TNKS: variants seen among roughly 807,000 people sequenced by gnomAD.
TNKS encodes the protein tankyrase.
A neutral mutation model predicts 135.8 loss-of-function variants in TNKS; 72 were observed. The observed-to-expected ratio is 0.53, with a 90% CI of 0.44 to 0.64. TNKS has a LOEUF of 0.64. Ranked by LOEUF, TNKS falls within the 30% of genes least tolerant of loss-of-function variation. The probability of loss-of-function intolerance (pLI) is 0.00; values close to 1 mark genes in which losing one functional copy is unlikely to be tolerated. For missense variants in TNKS, 1,769 were observed against 1,674.0 expected, an observed-to-expected ratio of 1.06 and a Z score of -0.99; for synonymous variants, 849 against 649.3, an observed-to-expected ratio of 1.31 and a Z score of -4.68.
chr8:9,590,104 A>C (rs1798535940), intron 2 of TNKS, among the ~76,000 whole-genome samples: 2 of 152,208 alleles, frequency 1.3e-5, no homozygotes, highest in South Asian at 4.1e-4. Flanking sequence ...TGATTAGATC[A>C]CAGTATGTGC....
chr8:9,580,023 T>TA (rs1301012086), intron 1 of TNKS, 136 bp from the exon 2 acceptor site: 2 of 686,340 alleles, frequency 2.9e-6, no homozygotes, highest in Middle Eastern at 3.4e-4. Flanking sequence ...AAGCTAATGT[T>TA]TCTTTTGTTT....
chr8:9,581,432 T>G lies in TNKS; in HGVS notation c.898+1049T>G, dbSNP rs545866064. ...TCCAGTTTCAACTGACTCTCCCATT[T>G]CCTCCTAAGTCTCTCACTAACATAG... On this transcript the variant is annotated intron_variant, in intron 2 of 26. Coordinates refer to ENST00000310430, the MANE Select transcript of TNKS (RefSeq NM_003747.3). Among the ~76,000 whole-genome samples, 7 of 152,290 alleles carry G rather than the reference T, an allele frequency of 4.6e-5. No homozygotes were observed. The South Asian group carries it at 1.5e-3, about 32-fold the overall frequency.
At position 9,556,597 on chromosome 8, in the gene TNKS, C is replaced by T. The variant is rs753138919; in HGVS notation, c.658C>T (p.Leu220=). Reference sequence around the variant, plus strand: ...CATGGCCGGCCGGAAGTCTTCTCCCCTGCACTTCGCTGCAGGTCAGAGACT... The same window carrying T: ...CATGGCCGGCCGGAAGTCTTCTCCCTTGCACTTCGCTGCAGGTCAGAGACT... ...KDMAGRKSSP[L]HFAAGFGRKD... is the part of the protein sequence containing the mutation. The change falls in exon 1 of 27, where the codon CTG becomes TTG. Residue 220 remains leucine, a synonymous_variant. Transcript: ENST00000310430. 6.2e-6 allele frequency: 10 copies of T among 1,613,488 alleles called. No individual in the cohort carries two copies. Among genetic ancestry groups the T allele is most frequent in the African/African-American group, 1.3e-5 (1 of 74,942 alleles).
chr8:9,674,512 A>G (rs1373880881), intron 3 of TNKS, among the ~76,000 whole-genome samples: 1 of 152,166 alleles, frequency 6.6e-6, no homozygotes, highest in Non-Finnish European at 1.5e-5. Context: ...AAACACTGCA[A>G]AGTTTCGTGG....
At chr8:9,639,879 C>T (rs1800657782) in intron 3 of TNKS, among the ~76,000 whole-genome samples, 1 of 152,150 alleles carries the variant, frequency 6.6e-6, no homozygotes, top group African/African-American at 2.4e-5. Context: ...CATATATCTT[C>T]CAGTAAATTG....
Position 9,704,690 on chromosome 8 carries a change from T to C in TNKS, c.1135T>C (p.Tyr379His). ...KSTPLHLAAG[Y>H]NRVRIVQLLL... is the part of the protein sequence containing the mutation. ...GACTCCTTTACATCTAGCAGCGGGC[T>C]ACAACAGAGTTCGAATAGTTCAGCT... Residue 379 changes from tyrosine (Y) to histidine (H), a missense_variant, in exon 6 of 27, where the codon TAC (tyrosine) becomes CAC (histidine). By Grantham distance (83) the Tyr-to-His change is moderately conservative. Coordinates refer to ENST00000310430, the MANE Select transcript of TNKS (RefSeq NM_003747.3). 6.2e-7 allele frequency: 1 copy of C among 1,613,514 alleles called. No homozygotes were observed. Among genetic ancestry groups the C allele is most frequent in the Non-Finnish European group, 8.5e-7 (1 of 1,179,526 alleles).
rs757380370 is a variant in TNKS, at chr8:9,556,047, C to T, written c.108C>T (p.Ser36=). 1.2e-6 allele frequency: 2 copies of T among 1,610,794 alleles called. No individual in the cohort carries two copies. The highest frequency in any genetic ancestry group is 1.7e-6 in the Non-Finnish European group (2 of 1,179,154). ...CGCCGCCACCTCCTCCCCCACTCAG[C>T]CCTGGCCTGGCCCCGGGGACCACCC... is the stretch of plus-strand genomic sequence containing the variant. The part of the protein sequence containing the change: ...APPPPPPPPL[S]PGLAPGTTPA... Residue 36 remains serine, a synonymous_variant, in exon 1 of 27, where the codon AGC becomes AGT. Transcript: ENST00000310430.
At chr8:9,726,757 T>C (rs1346718708) in intron 13 of TNKS, 37 bp downstream of exon 13, 1 of 1,497,826 alleles carries the variant, frequency 6.7e-7, no homozygotes, top group Non-Finnish European at 9.2e-7. Context: ...ATAGCACTGT[T>C]GAACTTTGCT....
At chr8:9,569,603 A>G (rs927821186) in intron 1 of TNKS, among the ~76,000 whole-genome samples, 1 of 152,160 alleles carries the variant, frequency 6.6e-6, no homozygotes, top group African/African-American at 2.4e-5. Context: ...GGTGGTTTTT[A>G]TGTGTGTTCT....
intron 17 of TNKS, among the ~76,000 whole-genome samples, chr8:9,744,409 G>T (rs1210621418): frequency 2.0e-5 from 3 of 152,156 alleles, no homozygotes; most frequent in Non-Finnish European, 1.5e-5. Context: ...GGAATTTCAT[G>T]ACATAATTGT....
chr8:9,634,340 C>CACCT (rs1441700098), intron 3 of TNKS, among the ~76,000 whole-genome samples: 1 of 151,874 alleles, frequency 6.6e-6, no homozygotes, highest in Non-Finnish European at 1.5e-5. Context: ...ATAAATGAGC[C>CACCT]ACCTATATTT....
chr8:9,645,309 T>G (rs1305766922), intron 3 of TNKS, among the ~76,000 whole-genome samples: 1 of 152,172 alleles, frequency 6.6e-6, no homozygotes, highest in African/African-American at 2.4e-5. Context: ...AGAAGCCCAT[T>G]CATACTGGAA....
At chr8:9,759,222 C>G (rs530989302) in intron 20 of TNKS, among the ~76,000 whole-genome samples, 1 of 152,350 alleles carries the variant, frequency 6.6e-6, no homozygotes, top group African/African-American at 2.4e-5. Flanking sequence ...TTGAGTCTGT[C>G]TGCCATAGCG....
intron 18 of TNKS, among the ~76,000 whole-genome samples, chr8:9,749,219 A>G (rs1218349250): frequency 6.6e-6 from 1 of 152,228 alleles, no homozygotes; most frequent in Non-Finnish European, 1.5e-5. Flanking sequence ...TTAATCAGCC[A>G]CAGTCTTCCC....
At chr8:9,672,363 C>T (rs567195481) in intron 3 of TNKS, among the ~76,000 whole-genome samples, 1 of 152,114 alleles carries the variant, frequency 6.6e-6, no homozygotes, top group South Asian at 2.1e-4. Flanking sequence ...AAAACACCCC[C>T]CGTGGAGACT....
intron 3 of TNKS, among the ~76,000 whole-genome samples, chr8:9,618,986 C>T (rs1040251279): frequency 2.6e-5 from 4 of 152,070 alleles, no homozygotes; most frequent in Non-Finnish European, 4.4e-5. Context: ...TTCACAGTAC[C>T]CTTCTATGAG....
intron 3 of TNKS, among the ~76,000 whole-genome samples, chr8:9,634,940 G>T (rs562085222): frequency 6.6e-6 from 1 of 152,140 alleles, no homozygotes; most frequent in African/African-American, 2.4e-5. Flanking sequence ...CACTTTGGGA[G>T]GCTGAGGCTG....
At chr8:9,718,495 G>A (rs967051265) in intron 11 of TNKS, among the ~76,000 whole-genome samples, 6 of 152,078 alleles carry the variant, frequency 3.9e-5, no homozygotes, top group Admixed American at 1.3e-4. Flanking sequence ...TCTGCTTGCC[G>A]GTTTCCAGAA....
intron 2 of TNKS, among the ~76,000 whole-genome samples, chr8:9,586,382 C>T (rs918106144): frequency 1.3e-5 from 2 of 152,118 alleles, no homozygotes; most frequent in African/African-American, 2.4e-5. Flanking sequence ...CAGTTCAGAA[C>T]TTCAATTGAT....
Sources: gnomAD v4.1 joint callset for allele counts (sites outside exome capture counted in the v4.1 genomes callset) on GRCh38, gnomAD v4.1.1 for gene constraint, MANE v1.5 for transcripts, NCBI Gene and HGNC (gene_info 2026-07-23, HGNC 2026-07-21) for gene names.